TUBGCP3: variants seen among roughly 807,000 people sequenced by gnomAD.
TUBGCP3 encodes the protein tubulin gamma complex component 3, also known as gamma-tubulin complex component 3.
TUBGCP3 carries 50 observed loss-of-function variants against 123.1 expected under a neutral mutation model. That is an observed-to-expected ratio of 0.41 (90% CI 0.32 to 0.51). TUBGCP3 has a LOEUF of 0.51. Ranked by LOEUF, TUBGCP3 falls within the 20% of genes least tolerant of loss-of-function variation. TUBGCP3 has a pLI of 0.36. For missense variants in TUBGCP3, 882 were observed against 1,127.0 expected, an observed-to-expected ratio of 0.78 and a Z score of 3.11; for synonymous variants, 405 against 413.9, an observed-to-expected ratio of 0.98 and a Z score of 0.26.
At chr13:112,507,033 A>AT (rs1881352498) in intron 17 of TUBGCP3, among the ~76,000 whole-genome samples, 1 of 152,204 alleles carries the variant, frequency 6.6e-6, no homozygotes, top group South Asian at 2.1e-4. Context: ...GAGTGTACAT[A>AT]TATTTGTCCT....
chr13:112,538,282 A>T (rs77339730), intron 11 of TUBGCP3, among the ~76,000 whole-genome samples: 2,435 of 152,336 alleles, frequency 0.016, 73 homozygotes, highest in African/African-American at 0.055. Flanking sequence ...GATGCTGAAC[A>T]TAAGTATAAT....
At chr13:112,488,025 G>A (rs924231919) in intron 21 of TUBGCP3, among the ~76,000 whole-genome samples, 7 of 151,564 alleles carry the variant, frequency 4.6e-5, no homozygotes, top group Non-Finnish European at 7.4e-5. Context: ...CCAGCTACTC[G>A]GGAGGCTGAG....
intron 16 of TUBGCP3, among the ~76,000 whole-genome samples, chr13:112,518,671 G>C (rs1876361227): frequency 6.6e-6 from 1 of 152,076 alleles, no homozygotes; most frequent in Admixed American, 6.5e-5. Flanking sequence ...TCCTTAACTA[G>C]TTGCCACAGT....
chr13:112,490,419 C>A (rs1880001623), intron 20 of TUBGCP3, among the ~76,000 whole-genome samples: 1 of 152,164 alleles, frequency 6.6e-6, no homozygotes, highest in African/African-American at 2.4e-5. Context: ...CCACACCTGG[C>A]TAATTTTGTA....
chr13:112,598,719 CG>C, the TUBGCP3 span, among the ~76,000 whole-genome samples: 1 of 151,774 alleles, frequency 6.6e-6, no homozygotes, highest in Non-Finnish European at 1.5e-5. Flanking sequence ...CTGAGGTGGG[CG>C]GATCGTGAGG....
At chr13:112,592,451 C>G (rs1413335541), upstream of TUBGCP3, among the ~76,000 whole-genome samples, 2 of 152,124 alleles carry the variant, frequency 1.3e-5, no homozygotes, top group African/African-American at 2.4e-5. The surrounding 1 kb of genome is among the most constrained non-coding windows in gnomAD (Gnocchi z 4.1). Flanking sequence ...AGCCCCCACC[C>G]TGGTGTTTCA....
the TUBGCP3 span, chr13:112,605,338 A>C: frequency 8.5e-6 from 1 of 117,992 alleles, no homozygotes; most frequent in Non-Finnish European, 2.1e-5. Context: ...TAATAATAAT[A>C]ACAACAGCTT....
At chr13:112,567,988 TG>T (rs1252253233) in intron 2 of TUBGCP3, among the ~76,000 whole-genome samples, 1 of 150,602 alleles carries the variant, frequency 6.6e-6, no homozygotes, top group African/African-American at 2.5e-5. Flanking sequence ...TAAGGCCAAA[TG>T]GACTTCTAAA....
rs114680166 is a variant in TUBGCP3, at chr13:112,552,712, T to C, written c.966+1345A>G. On this transcript the variant is annotated intron_variant, in intron 8 of 21. Transcript: ENST00000261965. ...GGCTGCCTCGCTTCAAAGCTCAAAG[T>C]GTGATGCCTACTCAGCAGCCACGCT... 5.9e-3 allele frequency among the ~76,000 whole-genome samples: 894 copies of C among 152,186 alleles called. 7 individuals carry two copies. The highest frequency in any genetic ancestry group is 0.02 in the African/African-American group (838 of 41,504).
the TUBGCP3 span, among the ~76,000 whole-genome samples, chr13:112,599,427 T>C: frequency 6.6e-6 from 1 of 152,198 alleles, no homozygotes. Context: ...ATTTATTCAA[T>C]AGTTTATTTA....
intron 19 of TUBGCP3, among the ~76,000 whole-genome samples, chr13:112,501,492 A>G (rs537780997): frequency 6.6e-6 from 1 of 152,288 alleles, no homozygotes; most frequent in South Asian, 2.1e-4. Flanking sequence ...TGCAATTCAC[A>G]ATTTCTCTCA....
At chr13:112,551,844 G>C (rs1003403104) in intron 8 of TUBGCP3, among the ~76,000 whole-genome samples, 12 of 141,812 alleles carry the variant, frequency 8.5e-5, no homozygotes, top group African/African-American at 2.8e-4. Context: ...CCAGGGACTG[G>C]TTTTGTGGAA....
At chr13:112,590,603 C>T (rs1042958392), upstream of TUBGCP3, among the ~76,000 whole-genome samples, 3 of 152,030 alleles carry the variant, frequency 2.0e-5, no homozygotes, top group Admixed American at 6.6e-5. Flanking sequence ...GCAGCCTTGG[C>T]GGTAAGTAAA....
intron 9 of TUBGCP3, 87 bp downstream of exon 9, chr13:112,548,021 T>C (rs1052235781): frequency 3.9e-6 from 4 of 1,038,526 alleles, no homozygotes; most frequent in African/African-American, 1.6e-5. Context: ...AAAAGTAATG[T>C]ATGAAGGAAC....
chr13:112,492,539 C>A (rs1050166830), intron 20 of TUBGCP3, among the ~76,000 whole-genome samples: 3 of 152,236 alleles, frequency 2.0e-5, no homozygotes, highest in Admixed American at 2.0e-4. Context: ...CACCTCTCCC[C>A]CCAGAGGAGC....
In TUBGCP3 at chr13:112,508,437, T is replaced by C. The variant is rs528882776; in HGVS notation, c.2087-3723A>G. Among the ~76,000 whole-genome samples the C allele has an allele frequency of 1.7e-3, 256 of 152,282 alleles. No homozygotes were observed. The highest frequency in any genetic ancestry group is 5.9e-3 in the African/African-American group (247 of 41,562). ...GCCATATGGCAGCCCAGAAGGGGCC[T>C]GTTAGTTGAAAAGGTATCGTGCACC... is the stretch of plus-strand genomic sequence containing the variant. On this transcript the variant is annotated intron_variant, in intron 17 of 21. Coordinates refer to ENST00000261965, the MANE Select transcript of TUBGCP3 (RefSeq NM_006322.6). This position sits in a 1 kb window ranked among gnomAD's most constrained non-coding sequence, Gnocchi z 4.2.
rs3832905 is a variant in TUBGCP3 at position 112,504,547 on chromosome 13, C to CATAT, written c.2175+75_2175+78dup. On this transcript the variant is annotated intron_variant, in intron 18 of 21. Transcript: ENST00000261965. Reference sequence around the variant, plus strand: ...ACATATATATACACACATACATACACATATATATATATATATACCATGTAA... The same window carrying CATAT: ...ACATATATATACACACATACATACACATATATATATATATATATATACCATGTAA... The CATAT allele has an allele frequency of 2.6e-3, 2,268 of 868,980 alleles. 44 individuals are homozygous for CATAT. The African/African-American group carries it at 0.035, about 14-fold the overall frequency. The allele number at this position is 868,980 out of a possible 1,614,324, so 53.8% of individuals were successfully genotyped here.
intron 17 of TUBGCP3, among the ~76,000 whole-genome samples, chr13:112,505,515 C>T (rs747068984): frequency 1.3e-5 from 2 of 152,198 alleles, no homozygotes; most frequent in South Asian, 2.1e-4. Context: ...CCTCTCAAGA[C>T]AGTAAAGAAG....
intron 8 of TUBGCP3, among the ~76,000 whole-genome samples, chr13:112,551,897 G>C (rs1879621958): frequency 6.6e-6 from 1 of 152,118 alleles, no homozygotes. Context: ...GGGGCAGAGT[G>C]GTTTTGGGAT....
Sources: gnomAD v4.1 joint callset for allele counts (sites outside exome capture counted in the v4.1 genomes callset) on GRCh38, gnomAD v4.1.1 for gene constraint, Gnocchi (gnomAD v3.1) non-coding constraint, MANE v1.5 for transcripts, NCBI Gene and HGNC (gene_info 2026-07-23, HGNC 2026-07-21) for gene names.